The following STXBP6 variants were observed in gnomAD, a reference collection of about 807,000 sequenced individuals.
STXBP6 encodes syntaxin binding protein 6, also known as syntaxin-binding protein 6.
STXBP6 carries 21 observed loss-of-function variants against 26.9 expected under a neutral mutation model. That is an observed-to-expected ratio of 0.78 (90% confidence interval 0.55 to 1.12). STXBP6 has a LOEUF of 1.12. STXBP6 is among the 50% of genes most tolerant of loss of function. The pLI is 0.00. For synonymous variants in STXBP6, 97 were observed against 92.6 expected (o/e 1.05, Z -0.27); for missense variants, 232 against 257.9 (o/e 0.90, Z 0.69).
chr14:24,869,070 T>C (rs1296693498), intron 2 of STXBP6, among the ~76,000 whole-genome samples: 2 of 152,266 alleles, frequency 1.3e-5, no homozygotes, highest in East Asian at 1.9e-4. Context: ...TTCAGGTACC[T>C]GGTAGGGTGC....
chr14:24,822,737 G>C (rs926489329), intron 4 of STXBP6, among the ~76,000 whole-genome samples: 2 of 152,000 alleles, frequency 1.3e-5, no homozygotes, highest in Admixed American at 6.6e-5. Flanking sequence ...ATCTCACCCA[G>C]TTCCATTGCA....
intron 2 of STXBP6, among the ~76,000 whole-genome samples, chr14:24,863,287 A>T (rs372486834): frequency 4.0e-5 from 6 of 151,608 alleles, no homozygotes; most frequent in African/African-American, 9.7e-5. Flanking sequence ...GAGGGAATGA[A>T]TTTTTTTTTA....
chr14:25,036,214 CAAAAAAAAAAAAA>C (rs559433301), intron 1 of STXBP6, among the ~76,000 whole-genome samples: 13 of 80,718 alleles, frequency 1.6e-4, no homozygotes, highest in African/African-American at 3.6e-4. Context: ...AAGACTCCAT[CAAAAAAAAAAAAA>C]AAAAAAAAAA....
At chr14:25,035,138 T>G (rs1338632588) in intron 1 of STXBP6, among the ~76,000 whole-genome samples, 1 of 142,658 alleles carries the variant, frequency 7.0e-6, no homozygotes, top group Non-Finnish European at 1.5e-5. Context: ...GTGACAAGAG[T>G]GAGACTCTGT....
chr14:24,987,843 T>C, intron 1 of STXBP6: 1 of 985,326 alleles, frequency 1.0e-6, no homozygotes, highest in Non-Finnish European at 1.2e-6. Context: ...AAACAGAAAA[T>C]GGACAAAGAG....
intron 1 of STXBP6, among the ~76,000 whole-genome samples, chr14:25,037,383 A>C (rs1316519859): frequency 6.6e-6 from 1 of 152,122 alleles, no homozygotes; most frequent in Non-Finnish European, 1.5e-5. Flanking sequence ...AAGGCAAGAC[A>C]GTAAGGTTTG....
chr14:24,951,683 C>T (rs1054152663), intron 2 of STXBP6, among the ~76,000 whole-genome samples: 10 of 152,086 alleles, frequency 6.6e-5, no homozygotes, highest in African/African-American at 2.2e-4. Context: ...TTTGGTCATT[C>T]TTCATTTAAA....
At chr14:24,818,904 G>T in intron 5 of STXBP6, 133 bp downstream of exon 5, 2 of 1,221,864 alleles carry the variant, frequency 1.6e-6, no homozygotes, top group Non-Finnish European at 2.2e-6. Context: ...GTAAGTAGCA[G>T]ATGGGAATTA....
At chr14:24,881,288 T>C (rs1023402575) in intron 2 of STXBP6, among the ~76,000 whole-genome samples, 2 of 152,186 alleles carry the variant, frequency 1.3e-5, no homozygotes, top group South Asian at 2.1e-4. Context: ...CTAAAGGCCA[T>C]GGTGGGTGGC....
At chr14:24,824,618 C>G (rs2068231843) in intron 4 of STXBP6, among the ~76,000 whole-genome samples, 1 of 152,158 alleles carries the variant, frequency 6.6e-6, no homozygotes, top group Admixed American at 6.5e-5. Flanking sequence ...CTCTAATATC[C>G]TCTTTTAAGA....
At chr14:25,035,043 C>T (rs957578235) in intron 1 of STXBP6, among the ~76,000 whole-genome samples, 4 of 151,230 alleles carry the variant, frequency 2.6e-5, no homozygotes, top group South Asian at 4.2e-4. Context: ...CCCAGCTACT[C>T]GGGAGGGTGA....
At chr14:24,905,237 A>G (rs1353429679) in intron 2 of STXBP6, among the ~76,000 whole-genome samples, 1 of 152,164 alleles carries the variant, frequency 6.6e-6, no homozygotes, top group Non-Finnish European at 1.5e-5. Context: ...CTTAAATGTT[A>G]AGAGACTTCA....
chr14:25,003,119 C>A (rs1218494958), intron 1 of STXBP6, among the ~76,000 whole-genome samples: 1 of 152,176 alleles, frequency 6.6e-6, no homozygotes, highest in Admixed American at 6.5e-5. Flanking sequence ...CTTAAACTGA[C>A]AAAAGAAGCA....
At chr14:24,924,338 A>G (rs1286583136) in intron 2 of STXBP6, among the ~76,000 whole-genome samples, 1 of 152,146 alleles carries the variant, frequency 6.6e-6, no homozygotes, top group African/African-American at 2.4e-5. Context: ...ATTCTAGGAT[A>G]AAAAAAGACC....
chr14:24,888,235 C>T (rs369153430), intron 2 of STXBP6, among the ~76,000 whole-genome samples: 4 of 152,242 alleles, frequency 2.6e-5, no homozygotes, highest in African/African-American at 9.6e-5. Flanking sequence ...ACAACATCAA[C>T]AAAACTTTGC....
chr14:24,907,894 T>C (rs2071439289), intron 2 of STXBP6, among the ~76,000 whole-genome samples: 1 of 152,154 alleles, frequency 6.6e-6, no homozygotes, highest in African/African-American at 2.4e-5. Context: ...CTGTCTTGGC[T>C]ACACTTTCTT....
intron 5 of STXBP6, chr14:24,818,210 GA>G (rs112094526): frequency 1.1e-5 from 5 of 437,558 alleles, no homozygotes; most frequent in African/African-American, 1.0e-4. Flanking sequence ...CCACTAACCA[GA>G]AAAAAAACTG....
chr14:24,862,247 C>G (rs755794057), intron 2 of STXBP6, among the ~76,000 whole-genome samples: 18 of 152,160 alleles, frequency 1.2e-4, no homozygotes, highest in Non-Finnish European at 1.9e-4. Flanking sequence ...ATCCTCCCAC[C>G]TTGTCCTCCC....
intron 2 of STXBP6, among the ~76,000 whole-genome samples, chr14:24,954,018 A>G (rs1159965216): frequency 6.6e-6 from 1 of 152,200 alleles, no homozygotes; most frequent in Non-Finnish European, 1.5e-5. Context: ...ATTCAGAAGA[A>G]GAGGACAGGG....
Sources: gnomAD v4.1 joint callset for allele counts (sites outside exome capture counted in the v4.1 genomes callset) on GRCh38, gnomAD v4.1.1 for gene constraint, MANE v1.5 for transcripts, NCBI Gene and HGNC (gene_info 2026-07-23, HGNC 2026-07-21) for gene names.